The following CNTN5 variants were observed in gnomAD, a reference collection of about 807,000 sequenced individuals.
CNTN5 encodes contactin 5, also known as contactin-5.
Under a neutral mutation model 129.1 loss-of-function variants are expected in CNTN5, and 77 were observed. That is an observed-to-expected ratio of 0.60 (90% CI 0.50 to 0.72). The LOEUF (loss-of-function observed/expected upper bound fraction) is 0.72. Among genes scored for constraint, CNTN5 ranks in the 30% least tolerant of loss-of-function variants. The probability of loss-of-function intolerance (pLI) is 0.00; values close to 1 mark genes in which losing one functional copy is unlikely to be tolerated. For missense variants in CNTN5, 1,478 were observed against 1,328.8 expected, an observed-to-expected ratio of 1.11 and a Z score of -1.75; for synonymous variants, 509 against 465.6, an observed-to-expected ratio of 1.09 and a Z score of -1.20.
chr11:99,969,644 G>A (rs1007455523), intron 8 of CNTN5, among the ~76,000 whole-genome samples: 3 of 151,988 alleles, frequency 2.0e-5, no homozygotes, highest in African/African-American at 4.8e-5. Context: ...TATTCTGACC[G>A]CTCTGTAGTC....
At chr11:99,904,208 C>T (rs1949433899) in intron 6 of CNTN5, among the ~76,000 whole-genome samples, 2 of 152,066 alleles carry the variant, frequency 1.3e-5, no homozygotes, top group South Asian at 4.1e-4. Context: ...TATACACTTG[C>T]TATGGTGGTT....
chr11:99,214,747 C>G (rs964428820), intron 1 of CNTN5, among the ~76,000 whole-genome samples: 7 of 152,050 alleles, frequency 4.6e-5, no homozygotes, highest in South Asian at 2.1e-4. Flanking sequence ...ACTCAATCTT[C>G]AGACTGACAA....
chr11:99,990,774 T>C (rs1428883485), intron 8 of CNTN5, among the ~76,000 whole-genome samples: 1 of 152,202 alleles, frequency 6.6e-6, no homozygotes, highest in Non-Finnish European at 1.5e-5. Flanking sequence ...GATTAGAATT[T>C]CCAAATACTA....
At chr11:100,238,288 C>G (rs917064519) in intron 16 of CNTN5, among the ~76,000 whole-genome samples, 1 of 151,184 alleles carries the variant, frequency 6.6e-6, no homozygotes, top group Non-Finnish European at 1.5e-5. Context: ...ATCTGTTTAC[C>G]CAACCAATCA....
rs1444681200 is a variant in CNTN5 at position 99,720,272 on chromosome 11, A to C, written c.56-99272A>C. Among the ~76,000 whole-genome samples the C allele has an allele frequency of 2.0e-5, 3 of 152,288 alleles. No individual in the cohort carries two copies. The East Asian group carries it at 5.8e-4, about 30-fold the overall frequency. ...ATCCTTGGTAAACTTCAATGCAAAA[A>C]TCCTCAACAAAATACTTGCAAACCA... On this transcript the variant is annotated intron_variant, in intron 3 of 24. Coordinates refer to ENST00000524871, the MANE Select transcript of CNTN5 (RefSeq NM_014361.4).
chr11:99,463,827 A>T (rs953839908), intron 2 of CNTN5, among the ~76,000 whole-genome samples: 9 of 152,200 alleles, frequency 5.9e-5, no homozygotes, highest in African/African-American at 1.7e-4. Context: ...ATAATCAAGG[A>T]AATAATTTTA....
chr11:99,975,012 GA>G (rs1184672471), intron 8 of CNTN5, among the ~76,000 whole-genome samples: 1 of 152,228 alleles, frequency 6.6e-6, no homozygotes, highest in Non-Finnish European at 1.5e-5. Flanking sequence ...AAATTTTACA[GA>G]TGGGCAACTT....
intron 2 of CNTN5, among the ~76,000 whole-genome samples, chr11:99,441,792 G>C (rs1215542435): frequency 6.6e-6 from 1 of 152,116 alleles, no homozygotes; most frequent in Non-Finnish European, 1.5e-5. Context: ...GCTTGGCTCA[G>C]AACTCTTTTT....
At chr11:100,164,565 C>G (rs1164033865) in intron 13 of CNTN5, among the ~76,000 whole-genome samples, 2 of 151,742 alleles carry the variant, frequency 1.3e-5, no homozygotes, top group Non-Finnish European at 2.9e-5. Context: ...AAAATACATA[C>G]TAAAAATATA....
chr11:99,810,158 T>A (rs1295558129), intron 3 of CNTN5, among the ~76,000 whole-genome samples: 3 of 152,116 alleles, frequency 2.0e-5, no homozygotes, highest in Non-Finnish European at 4.4e-5. Flanking sequence ...GCAATAAAAG[T>A]CTATAATACC....
At chr11:99,031,662 A>G (rs1372540266) in intron 1 of CNTN5, among the ~76,000 whole-genome samples, 1 of 152,046 alleles carries the variant, frequency 6.6e-6, no homozygotes, top group Non-Finnish European at 1.5e-5. Context: ...CCTGGAATTG[A>G]TATTTCACCT....
intron 2 of CNTN5, among the ~76,000 whole-genome samples, chr11:99,326,816 G>A (rs1281408690): frequency 6.6e-6 from 1 of 152,068 alleles, no homozygotes; most frequent in Non-Finnish European, 1.5e-5. Context: ...GGAAAAAATT[G>A]AGTTCCATAT....
At chr11:99,114,728 C>A (rs991055142) in intron 1 of CNTN5, among the ~76,000 whole-genome samples, 2 of 152,048 alleles carry the variant, frequency 1.3e-5, no homozygotes, top group Non-Finnish European at 2.9e-5. Context: ...CAAGTTTGTT[C>A]CTCGTAAACA....
chr11:100,176,209 G>T (rs916597246), intron 13 of CNTN5, among the ~76,000 whole-genome samples: 1 of 151,756 alleles, frequency 6.6e-6, no homozygotes, highest in Non-Finnish European at 1.5e-5. Context: ...TAGTAGAGAC[G>T]GGGTTTTACC....
chr11:99,262,544 C>A (rs912920325), intron 1 of CNTN5, among the ~76,000 whole-genome samples: 12 of 151,526 alleles, frequency 7.9e-5, no homozygotes, highest in Non-Finnish European at 1.8e-4. Flanking sequence ...GCATAATTAA[C>A]CTCCTTGTCT....
chr11:99,055,113 G>A (rs2135188987), intron 1 of CNTN5, among the ~76,000 whole-genome samples: 1 of 152,062 alleles, frequency 6.6e-6, no homozygotes, highest in East Asian at 1.9e-4. Context: ...TGATGCTAAT[G>A]TTACTGATCT....
chr11:100,286,113 G>T (rs1416822900), intron 18 of CNTN5, among the ~76,000 whole-genome samples: 1 of 152,082 alleles, frequency 6.6e-6, no homozygotes, highest in Admixed American at 6.5e-5. Flanking sequence ...CTACGCCCAC[G>T]GAGTCTCGCT....
intron 3 of CNTN5, among the ~76,000 whole-genome samples, chr11:99,810,908 C>T (rs1455840479): frequency 6.6e-6 from 1 of 152,062 alleles, no homozygotes; most frequent in African/African-American, 2.4e-5. Context: ...GTCATGAATA[C>T]ATAGTGCCAC....
At chr11:99,467,154 TTA>T (rs1388565343) in intron 2 of CNTN5, among the ~76,000 whole-genome samples, 1 of 152,192 alleles carries the variant, frequency 6.6e-6, no homozygotes, top group Non-Finnish European at 1.5e-5. Flanking sequence ...CAGTGTTTTT[TTA>T]TGTTTAAAAC....
Sources: allele counts gnomAD v4.1 joint callset (sites outside exome capture counted in the v4.1 genomes callset), GRCh38; gene constraint gnomAD v4.1.1; transcripts MANE v1.5; gene names NCBI Gene and HGNC (gene_info 2026-07-23, HGNC 2026-07-21).